The following TTC23L variants were observed in gnomAD, a reference collection of about 807,000 sequenced individuals.
The protein encoded by TTC23L is tetratricopeptide repeat domain 23 like.
A neutral mutation model predicts 48.1 loss-of-function variants in TTC23L; 42 were observed. The observed-to-expected ratio is 0.87, with a 90% CI of 0.68 to 1.13. TTC23L has a LOEUF of 1.13. TTC23L is among the 50% of genes most tolerant of loss of function. TTC23L has a pLI of 0.00. For synonymous variants in TTC23L, 159 were observed against 157.2 expected (o/e 1.01, Z -0.09); for missense variants, 391 against 421.0 (o/e 0.93, Z 0.62).
intron 10 of TTC23L, among the ~76,000 whole-genome samples, chr5:34,897,307 C>A (rs779742730): frequency 6.6e-6 from 1 of 151,992 alleles, no homozygotes; most frequent in Non-Finnish European, 1.5e-5. Context: ...ATTGCTTGAC[C>A]TGGGAGGTGG....
chr5:34,919,237 C>T, the TTC23L span, among the ~76,000 whole-genome samples: 2,184 of 135,470 alleles, frequency 0.016, 54 homozygotes, highest in African/African-American at 0.058. Flanking sequence ...GATTGCGCCA[C>T]TACATTTCAG....
exon 8 of TTC23L, chr5:34,868,960 T>C: frequency 3.7e-6 from 6 of 1,611,752 alleles, no homozygotes; most frequent in Non-Finnish European, 5.1e-6. Flanking sequence ...ACTGCAGAAA[T>C]GAGTGCGTTA....
intron 9 of TTC23L, among the ~76,000 whole-genome samples, chr5:34,889,964 G>A (rs753063572): frequency 7.9e-5 from 12 of 151,626 alleles, no homozygotes; most frequent in Non-Finnish European, 1.6e-4. Flanking sequence ...TCAGCCTCCC[G>A]AGTAGCTGGG....
At chr5:34,890,062 C>T (rs1351199838) in intron 9 of TTC23L, among the ~76,000 whole-genome samples, 1 of 151,982 alleles carries the variant, frequency 6.6e-6, no homozygotes, top group Non-Finnish European at 1.5e-5. Context: ...TGGTCTTGAT[C>T]TCTTGGCCTC....
At chr5:34,896,817 G>A (rs1353280438) in exon 10 of TTC23L, 4 of 751,124 alleles carry the variant, frequency 5.3e-6, no homozygotes, top group South Asian at 1.4e-5. Context: ...ATTCCTGGAA[G>A]AAGGAACTCT....
chr5:34,893,238 A>G (rs984983345), intron 9 of TTC23L, among the ~76,000 whole-genome samples: 1 of 152,304 alleles, frequency 6.6e-6, no homozygotes, highest in African/African-American at 2.4e-5. Flanking sequence ...AGCTTGGGCA[A>G]CTGGGTGAAT....
intron 8 of TTC23L, among the ~76,000 whole-genome samples, chr5:34,871,571 G>A (rs889017981): frequency 1.2e-4 from 19 of 152,196 alleles, no homozygotes; most frequent in South Asian, 6.2e-4. Context: ...GTGTGAAAAA[G>A]CAAAGAAATT....
chr5:34,867,114 C>T (rs1244993263), intron 7 of TTC23L, 45 bp downstream of exon 7: 2 of 1,576,860 alleles, frequency 1.3e-6, no homozygotes, highest in African/African-American at 2.7e-5. Flanking sequence ...CTTGTTTGGC[C>T]CCAGGCTTGG....
intron 4 of TTC23L, among the ~76,000 whole-genome samples, chr5:34,851,095 G>A (rs962860764): frequency 2.6e-5 from 4 of 152,148 alleles, no homozygotes; most frequent in Admixed American, 6.5e-5. Context: ...CTCCCTCAGG[G>A]CGGGACTGGT....
rs1475884497 is a variant in TTC23L, at chr5:34,896,756, G to C, written c.1078-14G>C. 5.2e-6 allele frequency: 4 copies of C among 769,504 alleles called. No homozygotes were observed. The highest frequency in any genetic ancestry group is 2.4e-5 in the East Asian group (1 of 41,018). The allele number at this position is 769,504 out of a possible 1,614,324, so 47.7% of individuals were successfully genotyped here. ...ACTTCATAGAGAGGGTGACATTTGA[G>C]CCATTTCTTAAAGGACAAGTAGCAG... On this transcript the variant is annotated splice_polypyrimidine_tract_variant and intron_variant, in intron 9 of 10. Transcript: ENST00000505624.
chr5:34,851,047 C>G (rs774415389), intron 4 of TTC23L, among the ~76,000 whole-genome samples: 2 of 152,170 alleles, frequency 1.3e-5, no homozygotes, highest in Non-Finnish European at 2.9e-5. Flanking sequence ...GTACTGTGCT[C>G]ATATATGCTT....
chr5:34,908,689 G>A, the TTC23L span: 1 of 1,303,654 alleles, frequency 7.7e-7, no homozygotes, highest in Non-Finnish European at 1.1e-6. Context: ...AATATGAAAT[G>A]ACAAAGAGTA....
chr5:34,866,929 G>A (rs761604458), exon 7 of TTC23L: 1 of 1,608,366 alleles, frequency 6.2e-7, no homozygotes, highest in Non-Finnish European at 8.5e-7. Context: ...CCTAGCTCTG[G>A]CATACTTTGA....
intron 3 of TTC23L, 135 bp downstream of exon 3, chr5:34,845,808 CAA>C: frequency 1.1e-6 from 1 of 914,588 alleles, no homozygotes; most frequent in South Asian, 1.9e-5. Context: ...TAGCAGAAAA[CAA>C]AGCAGAGCCT....
At chr5:34,921,529 A>G in the TTC23L span, 2 of 152,254 alleles carry the variant, frequency 1.3e-5, no homozygotes, top group African/African-American at 4.8e-5. Context: ...TGAAGGATTA[A>G]CATAAGAAGA....
At position 34,863,706 on chromosome 5, in the gene TTC23L, G is replaced by A. The variant is rs191281052; in HGVS notation, c.536+652G>A. Among the ~76,000 whole-genome samples the A allele has an allele frequency of 6.7e-3, 1,019 of 152,266 alleles. 10 individuals carry two copies. The highest frequency in any genetic ancestry group is 0.024 in the African/African-American group (987 of 41,534). On this transcript the variant is annotated intron_variant, in intron 5 of 10. Coordinates refer to ENST00000505624, the Ensembl canonical transcript of TTC23L. This position sits in a 1 kb window ranked among gnomAD's most constrained non-coding sequence, Gnocchi z 4.1. ...CAAGTAGTTCTATAAATCCCCAGAG[G>A]GGTACTGTTATATGTGCCTTTCCTC... is the stretch of plus-strand genomic sequence containing the variant.
At chr5:34,847,305 A>T (rs1554017485) in intron 3 of TTC23L, among the ~76,000 whole-genome samples, 1 of 152,150 alleles carries the variant, frequency 6.6e-6, no homozygotes, top group Non-Finnish European at 1.5e-5. Flanking sequence ...CACAAGTACC[A>T]TCTGCCATGG....
chr5:34,853,359 C>T (rs1246995583), intron 4 of TTC23L, among the ~76,000 whole-genome samples: 5 of 151,960 alleles, frequency 3.3e-5, no homozygotes, highest in African/African-American at 1.2e-4. Context: ...GGTGAAACCC[C>T]GTCTCTACTA....
At chr5:34,857,331 A>T (rs573225796) in intron 4 of TTC23L, among the ~76,000 whole-genome samples, 1 of 152,326 alleles carries the variant, frequency 6.6e-6, no homozygotes, top group East Asian at 1.9e-4. Context: ...ACAGTACTTT[A>T]GTCAGCCTAT....
Sources: gnomAD v4.1 joint callset for allele counts (sites outside exome capture counted in the v4.1 genomes callset) on GRCh38, gnomAD v4.1.1 for gene constraint, Gnocchi (gnomAD v3.1) non-coding constraint, MANE v1.5 for transcripts, NCBI Gene and HGNC (gene_info 2026-07-23, HGNC 2026-07-21) for gene names.